CHRM3: variants seen among roughly 807,000 people sequenced by gnomAD.
CHRM3 encodes the protein cholinergic receptor muscarinic 3.
A neutral mutation model predicts 41.8 loss-of-function variants in CHRM3; 11 were observed. The ratio of observed to expected loss-of-function variants is 0.26; its 90% CI spans 0.17 to 0.44. CHRM3 has a LOEUF of 0.44. CHRM3 is among the 20% of genes least tolerant of loss of function. The pLI, the probability that CHRM3 is intolerant of heterozygous loss-of-function variation, is 1.00. For missense variants in CHRM3, 571 were observed against 745.4 expected (o/e 0.77, Z 2.72); for synonymous variants, 297 against 301.4 (o/e 0.99, Z 0.15).
At chr1:239,865,443 T>A (rs1676011477) in intron 6 of CHRM3, among the ~76,000 whole-genome samples, 1 of 152,148 alleles carries the variant, frequency 6.6e-6, no homozygotes, top group Non-Finnish European at 1.5e-5. Context: ...ATAAATAATA[T>A]GTAAATTCAG....
chr1:239,570,658 A>G (rs1227685639), intron 3 of CHRM3, among the ~76,000 whole-genome samples: 4 of 152,188 alleles, frequency 2.6e-5, no homozygotes, highest in Non-Finnish European at 5.9e-5. Context: ...GTTTCAAATA[A>G]CTGACAGCCG....
chr1:239,670,113 A>G (rs1674209109), intron 4 of CHRM3, among the ~76,000 whole-genome samples: 1 of 152,238 alleles, frequency 6.6e-6, no homozygotes, highest in Non-Finnish European at 1.5e-5. Context: ...TGCAATAACA[A>G]GCGCTCATCT....
At chr1:239,601,560 C>T (rs1378980071) in intron 3 of CHRM3, among the ~76,000 whole-genome samples, 1 of 151,852 alleles carries the variant, frequency 6.6e-6, no homozygotes, top group Non-Finnish European at 1.5e-5. Flanking sequence ...AAAAAAAAGG[C>T]TTATGGGTAC....
intron 5 of CHRM3, among the ~76,000 whole-genome samples, chr1:239,745,970 C>A (rs1373498586): frequency 6.6e-6 from 1 of 152,046 alleles, no homozygotes; most frequent in African/African-American, 2.4e-5. Flanking sequence ...CAGGGCTGGA[C>A]CCTCAGGTGT....
chr1:239,886,907 G>A (rs767903523), intron 6 of CHRM3, among the ~76,000 whole-genome samples: 9 of 152,068 alleles, frequency 5.9e-5, no homozygotes, highest in Admixed American at 6.5e-5. Flanking sequence ...TTATCAAAGC[G>A]ACCTTTTCTT....
intron 5 of CHRM3, among the ~76,000 whole-genome samples, chr1:239,765,585 T>C (rs1393435851): frequency 6.6e-6 from 1 of 152,194 alleles, no homozygotes; most frequent in Non-Finnish European, 1.5e-5. Flanking sequence ...TTCAGATTGG[T>C]ATTAAAAATC....
intron 2 of CHRM3, among the ~76,000 whole-genome samples, chr1:239,506,285 C>G (rs2148167442): frequency 6.6e-6 from 1 of 152,190 alleles, no homozygotes; most frequent in Non-Finnish European, 1.5e-5. Flanking sequence ...ATCACAAGCC[C>G]AGAGACATAG....
At chr1:239,540,291 T>C (rs991405202) in intron 2 of CHRM3, among the ~76,000 whole-genome samples, 2 of 152,174 alleles carry the variant, frequency 1.3e-5, no homozygotes, top group Admixed American at 6.5e-5. Context: ...AATGTGTAGA[T>C]TGCTTATGCT....
rs949994202 is a variant in CHRM3, at chr1:239,830,994, A to AT, written c.-20+3627dup. 3.9e-3 allele frequency among the ~76,000 whole-genome samples: 578 copies of AT among 147,854 alleles called. 3 individuals are homozygous for AT. The highest frequency in any genetic ancestry group is 0.013 in the African/African-American group (531 of 40,494). ...AAAATTCGCTTTGTTTGTATTTGGG[A>AT]TTTTTTTTTTTAATATGGACTTTGT... On this transcript the variant is annotated intron_variant, in intron 6 of 6. Transcript: ENST00000676153.
At chr1:239,618,783 G>A (rs1445508347) in intron 3 of CHRM3, among the ~76,000 whole-genome samples, 1 of 145,044 alleles carries the variant, frequency 6.9e-6, no homozygotes, top group South Asian at 2.3e-4. Context: ...GGCGGAGCTT[G>A]CAGTGAGCCG....
intron 2 of CHRM3, among the ~76,000 whole-genome samples, chr1:239,503,626 G>A (rs979828955): frequency 5.9e-5 from 9 of 151,944 alleles, no homozygotes; most frequent in African/African-American, 2.2e-4. Context: ...TAAGCAAAAA[G>A]AACAAATCTG....
intron 6 of CHRM3, among the ~76,000 whole-genome samples, chr1:239,902,612 C>T (rs1679667030): frequency 6.6e-6 from 1 of 152,152 alleles, no homozygotes; most frequent in African/African-American, 2.4e-5. Flanking sequence ...TAGTAGTGTG[C>T]TTTGCTTAAA....
chr1:239,465,973 T>C (rs558982980), intron 1 of CHRM3, among the ~76,000 whole-genome samples: 4 of 152,072 alleles, frequency 2.6e-5, no homozygotes, highest in African/African-American at 4.8e-5. Flanking sequence ...ACGTTTATGA[T>C]GATCCATTTC....
chr1:239,813,916 C>CAAAAAAAAAAAAA (rs67147618), intron 5 of CHRM3, among the ~76,000 whole-genome samples: 4 of 103,220 alleles, frequency 3.9e-5, no homozygotes, highest in African/African-American at 1.5e-4. Flanking sequence ...GACTCCGTCT[C>CAAAAAAAAAAAAA]AAAAAAAAAA....
chr1:239,581,237 T>C (rs1055488593), intron 3 of CHRM3, among the ~76,000 whole-genome samples: 2 of 152,162 alleles, frequency 1.3e-5, no homozygotes, highest in African/African-American at 4.8e-5. Context: ...TATAGATTTA[T>C]CTATAGATTA....
chr1:239,674,060 C>G (rs566784524), intron 4 of CHRM3, among the ~76,000 whole-genome samples: 21 of 152,114 alleles, frequency 1.4e-4, no homozygotes, highest in Non-Finnish European at 2.9e-4. Context: ...ATTCCAAAAT[C>G]TGAAAAAATC....
At chr1:239,510,705 T>A (rs933602310) in intron 2 of CHRM3, among the ~76,000 whole-genome samples, 4 of 151,906 alleles carry the variant, frequency 2.6e-5, no homozygotes, top group African/African-American at 9.7e-5. Flanking sequence ...CCCAGCTAAT[T>A]TTGTATTTTT....
chr1:239,696,647 G>A (rs755488136), intron 5 of CHRM3, among the ~76,000 whole-genome samples: 19 of 152,140 alleles, frequency 1.2e-4, no homozygotes, highest in Non-Finnish European at 1.0e-4. Flanking sequence ...CTCCTTTAAA[G>A]TACACAGATT....
At chr1:239,772,586 T>G (rs1337132663) in intron 5 of CHRM3, among the ~76,000 whole-genome samples, 1 of 152,238 alleles carries the variant, frequency 6.6e-6, no homozygotes, top group Non-Finnish European at 1.5e-5. Flanking sequence ...TGTTCTACGT[T>G]GTCTACAGGC....
Sources: gnomAD v4.1 joint callset for allele counts (sites outside exome capture counted in the v4.1 genomes callset) on GRCh38, gnomAD v4.1.1 for gene constraint, MANE v1.5 for transcripts, NCBI Gene and HGNC (gene_info 2026-07-23, HGNC 2026-07-21) for gene names.